The following HNF4G variants were observed in gnomAD, a reference collection of about 807,000 sequenced individuals.
The protein encoded by HNF4G is hepatocyte nuclear factor 4 gamma.
Under a neutral mutation model 50.9 loss-of-function variants are expected in HNF4G, and 21 were observed. The observed-to-expected ratio is 0.41, with a 90% CI of 0.29 to 0.59. The LOEUF (loss-of-function observed/expected upper bound fraction) is 0.59. HNF4G is among the 20% of genes least tolerant of loss of function. The pLI, the probability that HNF4G is intolerant of heterozygous loss-of-function variation, is 0.26. For synonymous variants in HNF4G, 198 were observed against 185.6 expected, an observed-to-expected ratio of 1.07 and a Z score of -0.54; for missense variants, 527 against 559.4, an observed-to-expected ratio of 0.94 and a Z score of 0.58.
intron 1 of HNF4G, among the ~76,000 whole-genome samples, chr8:75,464,268 T>C (rs1811917847): frequency 1.3e-5 from 2 of 152,050 alleles, no homozygotes; most frequent in Non-Finnish European, 2.9e-5. Context: ...TTTGAAATCA[T>C]TTCAAATTTA....
At chr8:75,427,951 T>G (rs1810925724) in intron 1 of HNF4G, among the ~76,000 whole-genome samples, 1 of 152,166 alleles carries the variant, frequency 6.6e-6, no homozygotes, top group African/African-American at 2.4e-5. Context: ...AGAGGAAGTA[T>G]GTACAGTAGT....
intron 2 of HNF4G, among the ~76,000 whole-genome samples, chr8:75,544,228 AC>A (rs542418029): frequency 1.8e-4 from 28 of 152,252 alleles, no homozygotes; most frequent in African/African-American, 6.7e-4. Context: ...CCCAGCTTAG[AC>A]CAATATAGTT....
At chr8:75,522,223 T>TA (rs1474232632) in intron 2 of HNF4G, among the ~76,000 whole-genome samples, 4 of 152,236 alleles carry the variant, frequency 2.6e-5, no homozygotes, top group Non-Finnish European at 5.9e-5. Context: ...AAACTTTTTT[T>TA]ATATGCCTAT....
intron 1 of HNF4G, among the ~76,000 whole-genome samples, chr8:75,476,811 C>T (rs1176390468): frequency 6.6e-6 from 1 of 152,180 alleles, no homozygotes; most frequent in Non-Finnish European, 1.5e-5. Flanking sequence ...ATTCCTTTAC[C>T]TGCTCTGGGG....
intron 5 of HNF4G, 25 bp downstream of exon 5, chr8:75,553,222 G>T: frequency 1.3e-6 from 2 of 1,583,334 alleles, no homozygotes; most frequent in Non-Finnish European, 1.7e-6. Flanking sequence ...CTTTATAAAT[G>T]CTTTAAAAAT....
chr8:75,452,675 T>C (rs989917501), intron 1 of HNF4G, among the ~76,000 whole-genome samples: 31 of 144,898 alleles, frequency 2.1e-4, no homozygotes, highest in Middle Eastern at 3.4e-3. Context: ...GACGAGATCG[T>C]GCCACTGCAC....
intron 4 of HNF4G, among the ~76,000 whole-genome samples, chr8:75,552,557 G>T (rs770385980): frequency 3.9e-5 from 6 of 151,964 alleles, no homozygotes; most frequent in Non-Finnish European, 8.8e-5. Context: ...TCCTTTTAAT[G>T]CAGCGAGACA....
chr8:75,436,413 T>C (rs1459163165), intron 1 of HNF4G, among the ~76,000 whole-genome samples: 1 of 152,182 alleles, frequency 6.6e-6, no homozygotes, highest in Non-Finnish European at 1.5e-5. Flanking sequence ...ATTATAATTA[T>C]TACAACGTAT....
intron 1 of HNF4G, among the ~76,000 whole-genome samples, chr8:75,437,731 C>T (rs765604036): frequency 3.3e-4 from 50 of 151,498 alleles, no homozygotes; most frequent in Non-Finnish European, 5.7e-4. Flanking sequence ...TTCCAGAAAA[C>T]AATAAATATA....
intron 1 of HNF4G, among the ~76,000 whole-genome samples, chr8:75,482,652 G>A (rs1396964580): frequency 6.6e-6 from 1 of 152,142 alleles, no homozygotes; most frequent in African/African-American, 2.4e-5. Context: ...ACAGGTGTGA[G>A]CCACCGCCCC....
chr8:75,473,613 A>G (rs1812172570), intron 1 of HNF4G, among the ~76,000 whole-genome samples: 1 of 152,172 alleles, frequency 6.6e-6, no homozygotes, highest in Non-Finnish European at 1.5e-5. Flanking sequence ...TTAGCTATTA[A>G]AGAATTACAG....
intron 2 of HNF4G, among the ~76,000 whole-genome samples, chr8:75,514,867 A>T (rs2130733655): frequency 6.6e-6 from 1 of 151,992 alleles, no homozygotes; most frequent in East Asian, 1.9e-4. Context: ...CTTCTCTTTC[A>T]ACCTCCCTCC....
chr8:75,528,192 T>A (rs1806231173), intron 2 of HNF4G, among the ~76,000 whole-genome samples: 1 of 152,198 alleles, frequency 6.6e-6, no homozygotes, highest in Non-Finnish European at 1.5e-5. Context: ...CATGGATATC[T>A]TATCCATGTC....
chr8:75,505,356 T>C (rs924529004), intron 2 of HNF4G, among the ~76,000 whole-genome samples: 1 of 152,154 alleles, frequency 6.6e-6, no homozygotes, highest in African/African-American at 2.4e-5. Context: ...TACTATCCAT[T>C]TCTTGCCTCT....
chr8:75,451,285 G>T (rs983836785), intron 1 of HNF4G, among the ~76,000 whole-genome samples: 1 of 151,922 alleles, frequency 6.6e-6, no homozygotes, highest in African/African-American at 2.4e-5. Flanking sequence ...CATTCTGCAG[G>T]TTGTCCCTTT....
intron 1 of HNF4G, among the ~76,000 whole-genome samples, chr8:75,420,670 C>T (rs1286927130): frequency 6.6e-6 from 1 of 152,122 alleles, no homozygotes; most frequent in Non-Finnish European, 1.5e-5. Context: ...TGTGAGTTTC[C>T]TCTGATTTGT....
chr8:75,409,495 T>C (rs2130454285), intron 1 of HNF4G, among the ~76,000 whole-genome samples: 1 of 143,514 alleles, frequency 7.0e-6, no homozygotes, highest in South Asian at 2.3e-4. Flanking sequence ...TTTTTTTTTT[T>C]TTTTTTTTTC....
At chr8:75,524,626 G>C (rs1806133351) in intron 2 of HNF4G, among the ~76,000 whole-genome samples, 1 of 152,124 alleles carries the variant, frequency 6.6e-6, no homozygotes, top group Non-Finnish European at 1.5e-5. Context: ...AAATGGATGA[G>C]GGAAAAGATG....
intron 2 of HNF4G, among the ~76,000 whole-genome samples, chr8:75,496,840 G>A (rs1812782138): frequency 6.6e-6 from 1 of 151,652 alleles, no homozygotes; most frequent in Admixed American, 6.6e-5. Flanking sequence ...AATATGTAAA[G>A]ATAGGTTGTG....
Sources: allele counts gnomAD v4.1 joint callset (sites outside exome capture counted in the v4.1 genomes callset), GRCh38; gene constraint gnomAD v4.1.1; transcripts MANE v1.5; gene names NCBI Gene and HGNC (gene_info 2026-07-23, HGNC 2026-07-21).